STK32C: variants seen among roughly 807,000 people sequenced by gnomAD.
The protein encoded by STK32C is serine/threonine-protein kinase 32C.
In STK32C, 31 loss-of-function variants were observed where a neutral mutation model predicts 56.5. The ratio of observed to expected loss-of-function variants is 0.55; its 90% confidence interval spans 0.41 to 0.74. The LOEUF is 0.74. Among genes scored for constraint, STK32C ranks in the 30% least tolerant of loss-of-function variants. The probability of loss-of-function intolerance (pLI) is 0.00; values close to 1 mark genes in which losing one functional copy is unlikely to be tolerated. For missense variants in STK32C, 544 were observed against 676.9 expected (o/e 0.80, Z 2.18); for synonymous variants, 309 against 289.4 (o/e 1.07, Z -0.69).
rs142969327 is a variant in STK32C at position 132,291,659 on chromosome 10, G to A, written c.262+15913C>T. Among the ~76,000 whole-genome samples, 737 of 152,282 alleles carry A rather than the reference G, an allele frequency of 4.8e-3. 9 individuals carry two copies. Among genetic ancestry groups the A allele is most frequent in the African/African-American group, 0.017 (702 of 41,550 alleles). On this transcript the variant is annotated intron_variant, in intron 1 of 11. Transcript: ENST00000298630. ...CACGCATCCAGACTCCTGTATGAAC[G>A]CTGAGGCTGAGCTATGCCAGGCTTC...
At chr10:132,311,739 G>A (rs544254621), upstream of STK32C, among the ~76,000 whole-genome samples, 67 of 152,256 alleles carry the variant, frequency 4.4e-4, 1 homozygote, top group Non-Finnish European at 1.3e-4. The surrounding 1 kb of genome is among the most constrained non-coding windows in gnomAD (Gnocchi z 4.4). Context: ...TGTCTACTCC[G>A]CCCTTTTCTT....
At chr10:132,254,086 G>A (rs2064017391) in intron 1 of STK32C, among the ~76,000 whole-genome samples, 1 of 152,200 alleles carries the variant, frequency 6.6e-6, no homozygotes, top group Non-Finnish European at 1.5e-5. Flanking sequence ...GAGGCAGGTG[G>A]ATCACGAGGT....
intron 10 of STK32C, among the ~76,000 whole-genome samples, chr10:132,218,138 A>G (rs953356577): frequency 1.3e-5 from 2 of 151,656 alleles, no homozygotes; most frequent in Admixed American, 1.3e-4. Flanking sequence ...ACATAGTGAG[A>G]CCCTGTCTCT....
chr10:132,266,282 G>A (rs986173670), intron 1 of STK32C, among the ~76,000 whole-genome samples: 3 of 152,156 alleles, frequency 2.0e-5, no homozygotes, highest in African/African-American at 4.8e-5. Flanking sequence ...CAGGCTGGAC[G>A]GATCCACAGT....
chr10:132,237,005 T>C (rs7915194), intron 2 of STK32C, among the ~76,000 whole-genome samples: 92,670 of 151,816 alleles, frequency 0.61, 30,727 homozygotes, highest in Non-Finnish European at 0.73. Flanking sequence ...ACGGAAACCC[T>C]GTCTGCCCCA....
intron 2 of STK32C, among the ~76,000 whole-genome samples, chr10:132,244,396 G>A (rs763623609): frequency 1.1e-4 from 17 of 152,238 alleles, no homozygotes; most frequent in Non-Finnish European, 2.4e-4. Flanking sequence ...GGTGGGCAGG[G>A]CTGAGGCTGC....
intron 7 of STK32C, 92 bp from the exon 8 acceptor site, chr10:132,224,615 C>CT (rs1225391995): frequency 1.1e-6 from 1 of 884,980 alleles, no homozygotes; most frequent in African/African-American, 1.8e-5. Context: ...CCTGAGAGGA[C>CT]CCCCTCCCCC....
exon 2 of STK32C, chr10:132,324,107 C>T (rs1053810281): frequency 1.6e-6 from 1 of 632,202 alleles, no homozygotes; most frequent in Admixed American, 2.7e-5. Context: ...ATATGAATTC[C>T]AGGGACCCAC....
At chr10:132,252,534 C>T (rs537387029) in intron 1 of STK32C, among the ~76,000 whole-genome samples, 3 of 152,378 alleles carry the variant, frequency 2.0e-5, no homozygotes, top group South Asian at 4.1e-4. Flanking sequence ...GAAGCAGACG[C>T]AGCTCCCCAC....
intron 2 of STK32C, among the ~76,000 whole-genome samples, chr10:132,229,085 T>C (rs951699253): frequency 3.9e-5 from 6 of 152,132 alleles, no homozygotes; most frequent in African/African-American, 1.4e-4. Context: ...GCCAAGGATG[T>C]CAATCAGAAT....
chr10:132,235,830 G>A (rs1041616274), intron 2 of STK32C, among the ~76,000 whole-genome samples: 6 of 152,208 alleles, frequency 3.9e-5, no homozygotes, highest in Non-Finnish European at 7.3e-5. Context: ...GCAGTGTGAT[G>A]GGATCGTAAA....
chr10:132,292,906 CT>C (rs1564784684), intron 1 of STK32C, among the ~76,000 whole-genome samples: 2 of 151,682 alleles, frequency 1.3e-5, no homozygotes, highest in African/African-American at 4.8e-5. Context: ...TCCCTCCCCC[CT>C]CCCTTCCCCA....
upstream of STK32C, among the ~76,000 whole-genome samples, chr10:132,312,541 A>G (rs2066241649): frequency 6.6e-6 from 1 of 152,140 alleles, no homozygotes; most frequent in Non-Finnish European, 1.5e-5. Context: ...TTCCCATTTC[A>G]AAAGGGAGAA....
chr10:132,246,018 C>T lies in STK32C; in HGVS notation c.263-63G>A, dbSNP rs954745759. On this transcript the variant is annotated intron_variant, in intron 1 of 11. Coordinates refer to ENST00000298630, the MANE Select transcript of STK32C (RefSeq NM_173575.4). ...AGCAAGGCCCCACCCCAGAGCAGCT[C>T]CCCCACCTCAACATCCCCCACCCCG... The T allele has an allele frequency of 1.9e-5, 29 of 1,509,956 alleles. 1 individual carries two copies. Among genetic ancestry groups the T allele is most frequent in the Non-Finnish European group, 2.7e-5 (29 of 1,088,934 alleles). The allele number at this position is 1,509,956 out of a possible 1,614,324, so 93.5% of individuals were successfully genotyped here.
intron 1 of STK32C, among the ~76,000 whole-genome samples, chr10:132,268,042 CCTGT>C (rs113095079): frequency 0.095 from 12,339 of 129,306 alleles, 942 homozygotes; most frequent in East Asian, 0.33. Context: ...CGGCTCTATG[CCTGT>C]CTGTGTGCCC....
At chr10:132,254,828 C>T (rs551981647) in intron 1 of STK32C, among the ~76,000 whole-genome samples, 10 of 152,326 alleles carry the variant, frequency 6.6e-5, no homozygotes, top group Admixed American at 3.9e-4. Flanking sequence ...GCTGGAGAAT[C>T]AGCTCTGCTC....
At chr10:132,271,530 A>G (rs1193365607) in intron 1 of STK32C, among the ~76,000 whole-genome samples, 2 of 152,130 alleles carry the variant, frequency 1.3e-5, no homozygotes, top group African/African-American at 4.8e-5. Flanking sequence ...TGTCCCGTCC[A>G]TTGTGGCCAA....
rs779174835 is a variant in STK32C at position 132,230,212 on chromosome 10, AT to A, written c.319-2085del. ...TCCTATGACCATTTTTTAAATTGTT[AT>A]TTTGAAAGCCAGTTGAGGGTTTCAG... On this transcript the variant is annotated intron_variant, in intron 2 of 11. Coordinates refer to ENST00000298630, the MANE Select transcript of STK32C (RefSeq NM_173575.4). Among the ~76,000 whole-genome samples, 36 of 152,360 alleles carry A rather than the reference AT, an allele frequency of 2.4e-4. No homozygotes were observed. In the South Asian group the frequency reaches 6.4e-3, roughly 27 times the overall value.
At chr10:132,329,094 C>T (rs1213282939) in intron 1 of STK32C, among the ~76,000 whole-genome samples, 5 of 152,220 alleles carry the variant, frequency 3.3e-5, no homozygotes, top group Non-Finnish European at 5.9e-5. Flanking sequence ...AACAATAAAG[C>T]ACAGTTTAAA....
Sources: allele counts gnomAD v4.1 joint callset (sites outside exome capture counted in the v4.1 genomes callset), GRCh38; gene constraint gnomAD v4.1.1; non-coding constraint Gnocchi (gnomAD v3.1); transcripts MANE v1.5; gene names NCBI Gene and HGNC (gene_info 2026-07-23, HGNC 2026-07-21).